The following CDH20 variants were observed in gnomAD, a reference collection of about 807,000 sequenced individuals.
The protein encoded by CDH20 is cadherin 20.
In CDH20, 29 loss-of-function variants were observed where a neutral mutation model predicts 74.2. The observed-to-expected ratio is 0.39, with a 90% CI of 0.29 to 0.53. The LOEUF (loss-of-function observed/expected upper bound fraction) is 0.53. Among genes scored for constraint, CDH20 ranks in the 20% least tolerant of loss-of-function variants. The probability of loss-of-function intolerance (pLI) is 0.69; values close to 1 mark genes in which losing one functional copy is unlikely to be tolerated. For missense variants in CDH20, 988 were observed against 1,048.3 expected (o/e 0.94, Z 0.79); for synonymous variants, 469 against 405.4 (o/e 1.16, Z -1.88).
chr18:61,482,547 A>T (rs1255580718), intron 1 of CDH20, among the ~76,000 whole-genome samples: 1 of 152,190 alleles, frequency 6.6e-6, no homozygotes, highest in African/African-American at 2.4e-5. Context: ...CAGAAACACT[A>T]CTAAACAGAG....
chr18:61,356,910 T>C (rs1910515347), intron 1 of CDH20, among the ~76,000 whole-genome samples: 1 of 152,218 alleles, frequency 6.6e-6, no homozygotes, highest in African/African-American at 2.4e-5. Context: ...ATCCCTATAC[T>C]GCTGACAAAG....
At chr18:61,478,496 A>G (rs1910470936) in intron 1 of CDH20, among the ~76,000 whole-genome samples, 1 of 152,188 alleles carries the variant, frequency 6.6e-6, no homozygotes, top group South Asian at 2.1e-4. Flanking sequence ...ATCTTTCCCT[A>G]CCTTTCTTAT....
At chr18:61,534,263 G>A (rs1185826175) in intron 7 of CDH20, among the ~76,000 whole-genome samples, 1 of 152,152 alleles carries the variant, frequency 6.6e-6, no homozygotes, top group Non-Finnish European at 1.5e-5. Context: ...TAGAAAAAGG[G>A]AACCCTTGCA....
chr18:61,537,572 A>G (rs1912855964), intron 8 of CDH20, among the ~76,000 whole-genome samples: 1 of 152,250 alleles, frequency 6.6e-6, no homozygotes, highest in Admixed American at 6.5e-5. Flanking sequence ...CAATCTTTCT[A>G]TTTTGCTTAA....
At chr18:61,405,928 T>C (rs1912315650) in intron 1 of CDH20, among the ~76,000 whole-genome samples, 2 of 152,204 alleles carry the variant, frequency 1.3e-5, no homozygotes, top group South Asian at 4.1e-4. Flanking sequence ...GTCCCTTCTT[T>C]GTCTGTTAGG....
At chr18:61,430,170 T>G (rs1242740139) in intron 1 of CDH20, among the ~76,000 whole-genome samples, 3 of 152,280 alleles carry the variant, frequency 2.0e-5, no homozygotes, top group Non-Finnish European at 2.9e-5. Flanking sequence ...GTCTTGGTCA[T>G]GCTTGCAAGC....
At position 61,413,714 on chromosome 18, in the gene CDH20, T is replaced by TA. The variant is rs554425799; in HGVS notation, c.-152-76675dup. ...GAAAGGAACCTATTGGTGGAAATGTTAAAAAAAAAAAAATTGCAGGGAAAT... is the reference window on the plus strand; with the variant it reads ...GAAAGGAACCTATTGGTGGAAATGTTAAAAAAAAAAAAAATTGCAGGGAAAT... On this transcript the variant is annotated intron_variant, in intron 1 of 11. Transcript: ENST00000262717. Among the ~76,000 whole-genome samples the TA allele has an allele frequency of 3.6e-3, 512 of 143,786 alleles. 1 individual carries two copies. The highest frequency in any genetic ancestry group is 7.2e-3 in the Middle Eastern group (2 of 276). The allele number at this position is 143,786 out of a possible 152,430, so 94.3% of individuals were successfully genotyped here.
chr18:61,423,836 TTATA>T (rs1162018055), intron 1 of CDH20, among the ~76,000 whole-genome samples: 1 of 152,238 alleles, frequency 6.6e-6, no homozygotes, highest in Non-Finnish European at 1.5e-5. Context: ...TGACAGTGTT[TTATA>T]GTTTTCTAAA....
At chr18:61,365,470 G>T (rs1440915107) in intron 1 of CDH20, among the ~76,000 whole-genome samples, 1 of 151,824 alleles carries the variant, frequency 6.6e-6, no homozygotes, top group Non-Finnish European at 1.5e-5. Flanking sequence ...TTTTCCAGAT[G>T]CCTTGGCATA....
chr18:61,425,358 C>T lies in CDH20; in HGVS notation c.-152-65044C>T, dbSNP rs528942590. On this transcript the variant is annotated intron_variant, in intron 1 of 11. Coordinates refer to ENST00000262717, the MANE Select transcript of CDH20 (RefSeq NM_031891.4). ...CATAGAAAAGAAAGTATCCTATACC[C>T]TCAGAGAAGCTCTGAAGGAGACAGA... Among the ~76,000 whole-genome samples the T allele has an allele frequency of 7.9e-5, 12 of 152,274 alleles. No homozygotes were observed. In the South Asian group the frequency reaches 2.5e-3, roughly 32 times the overall value.
Position 61,555,490 on chromosome 18 carries a change from G to T in CDH20, c.*795G>T. The T allele has an allele frequency of 1.0e-6, 1 of 985,372 alleles. No homozygotes were observed. The highest frequency in any genetic ancestry group is 1.2e-6 in the Non-Finnish European group (1 of 829,930). The allele number at this position is 985,372 out of a possible 1,614,324, so 61.0% of individuals were successfully genotyped here. A position where few individuals can be genotyped will look rare whatever the true frequency, so the allele number is the denominator to read the frequency against. On this transcript the variant is annotated 3_prime_UTR_variant, in exon 12 of 12. Coordinates refer to ENST00000262717, the MANE Select transcript of CDH20 (RefSeq NM_031891.4). ...TTTGCACTGTAGATGTCTCTTCCAT[G>T]TGCCAAATGTGGAGATTAGATGCTA...
intron 1 of CDH20, among the ~76,000 whole-genome samples, chr18:61,404,134 A>C (rs1245045319): frequency 6.6e-6 from 1 of 152,222 alleles, no homozygotes; most frequent in Admixed American, 6.5e-5. Context: ...CTTAATACCT[A>C]TGATGGATTG....
intron 1 of CDH20, among the ~76,000 whole-genome samples, chr18:61,346,944 A>C (rs981271797): frequency 1.3e-5 from 2 of 152,024 alleles, no homozygotes; most frequent in Non-Finnish European, 2.9e-5. Flanking sequence ...GGGTGCTGGC[A>C]TGCTGTACCC....
At chr18:61,517,054 C>CA (rs747822717) in intron 6 of CDH20, among the ~76,000 whole-genome samples, 3 of 151,138 alleles carry the variant, frequency 2.0e-5, no homozygotes, top group East Asian at 1.9e-4. Flanking sequence ...ATACCATTTG[C>CA]AAAAAAAATA....
chr18:61,554,388 A>G lies in CDH20; in HGVS notation c.2099A>G (p.Asp700Gly). The G allele has an allele frequency of 6.2e-7, 1 of 1,612,936 alleles. No individual in the cohort carries two copies. Among genetic ancestry groups the G allele is most frequent in the Non-Finnish European group, 8.5e-7 (1 of 1,179,718 alleles). The stretch of plus-strand genomic sequence containing the variant: ...GGGGCCGCCCCCAAGACGCGGCAGG[A>G]CATGCTGCCCGAGATCGAGAGCCTC... ...QAGAAPKTRQDMLPEIESLSR... is the reference protein window; with the variant it reads ...QAGAAPKTRQGMLPEIESLSR... The change falls in exon 12 of 12, where the codon GAC becomes GGC. Residue 700 changes from aspartate to glycine, a missense_variant. Around this residue, in one of 2 missense-constraint regions of CDH20, gnomAD observed 375 missense variants for 293.1 expected, o/e 1.28. Coordinates refer to ENST00000262717, the MANE Select transcript of CDH20 (RefSeq NM_031891.4).
At chr18:61,342,047 T>C (rs1274546192) in intron 1 of CDH20, among the ~76,000 whole-genome samples, 1 of 152,182 alleles carries the variant, frequency 6.6e-6, no homozygotes, top group Non-Finnish European at 1.5e-5. Context: ...TTCAGGCAGC[T>C]CAGCACAGAG....
chr18:61,501,450 G>A (rs936907287), intron 4 of CDH20, among the ~76,000 whole-genome samples: 1 of 152,008 alleles, frequency 6.6e-6, no homozygotes, highest in Non-Finnish European at 1.5e-5. Flanking sequence ...AAAGATATAG[G>A]AAGTATTATT....
At chr18:61,381,701 C>T (rs1434556792) in intron 1 of CDH20, among the ~76,000 whole-genome samples, 1 of 152,182 alleles carries the variant, frequency 6.6e-6, no homozygotes, top group African/African-American at 2.4e-5. Context: ...TCATCAAAAA[C>T]ACCATTCAAG....
At chr18:61,425,738 T>G (rs188335893) in intron 1 of CDH20, among the ~76,000 whole-genome samples, 1 of 152,104 alleles carries the variant, frequency 6.6e-6, no homozygotes, top group Non-Finnish European at 1.5e-5. Flanking sequence ...ACATTACACA[T>G]TGGGTACAGC....
Sources: allele counts gnomAD v4.1 joint callset (sites outside exome capture counted in the v4.1 genomes callset), GRCh38; gene constraint gnomAD v4.1.1; regional missense constraint gnomAD v4.1.1; transcripts MANE v1.5; gene names NCBI Gene and HGNC (gene_info 2026-07-23, HGNC 2026-07-21).